The following UBE2E2 variants were observed in gnomAD, a reference collection of about 807,000 sequenced individuals.
UBE2E2 encodes the protein ubiquitin-conjugating enzyme E2 E2.
UBE2E2 carries 6 observed loss-of-function variants against 24.7 expected under a neutral mutation model. The observed-to-expected ratio is 0.24, with a 90% CI of 0.13 to 0.48. The LOEUF is 0.48. Among genes scored for constraint, UBE2E2 ranks in the 20% least tolerant of loss-of-function variants. UBE2E2 has a pLI of 0.99. For synonymous variants in UBE2E2, 104 were observed against 83.6 expected (o/e 1.24, Z -1.33); for missense variants, 169 against 245.0 (o/e 0.69, Z 2.07).
chr3:23,403,575 C>G (rs1697282333), intron 3 of UBE2E2, among the ~76,000 whole-genome samples: 2 of 152,170 alleles, frequency 1.3e-5, no homozygotes, highest in South Asian at 4.1e-4. Context: ...AATCCCAGCA[C>G]TTAGGGAGGC....
chr3:23,346,728 G>A (rs912279921), intron 3 of UBE2E2, among the ~76,000 whole-genome samples: 29 of 151,994 alleles, frequency 1.9e-4, no homozygotes, highest in Non-Finnish European at 4.1e-4. Context: ...TTTCTTTTCG[G>A]TATGTTCCTT....
intron 3 of UBE2E2, among the ~76,000 whole-genome samples, chr3:23,437,391 C>A (rs900535241): frequency 6.6e-6 from 1 of 152,158 alleles, no homozygotes; most frequent in African/African-American, 2.4e-5. Context: ...TGTTTAATTT[C>A]TCTGTGCCAC....
intron 1 of UBE2E2, among the ~76,000 whole-genome samples, chr3:23,203,966 C>G (rs1696052557): frequency 6.6e-6 from 1 of 151,976 alleles, no homozygotes; most frequent in Non-Finnish European, 1.5e-5. Context: ...CGGAGAAGAC[C>G]TTGTGGGGTA....
rs141952042 is a variant in UBE2E2, at chr3:23,435,575, G to A, written c.228-64033G>A. ...GACCCTGTGCCTCAAGTGGGGTCAC[G>A]TGGAGTTGCACTTGGGAACAGAGTA... is the stretch of plus-strand genomic sequence containing the variant. On this transcript the variant is annotated intron_variant, in intron 3 of 5. Coordinates refer to ENST00000396703, the MANE Select transcript of UBE2E2 (RefSeq NM_152653.4). Among the ~76,000 whole-genome samples the A allele has an allele frequency of 1.4e-3, 214 of 152,324 alleles. 1 individual carries two copies. Among genetic ancestry groups the A allele is most frequent in the African/African-American group, 4.9e-3 (204 of 41,574 alleles).
At chr3:23,358,926 T>G (rs17013116) in intron 3 of UBE2E2, among the ~76,000 whole-genome samples, 4,450 of 152,300 alleles carry the variant, frequency 0.029, 117 homozygotes, top group East Asian at 0.13. Flanking sequence ...TCCAGTAAAT[T>G]GACCAAGGGT....
chr3:23,244,210 G>C (rs1185467403), intron 3 of UBE2E2, among the ~76,000 whole-genome samples: 2 of 151,642 alleles, frequency 1.3e-5, no homozygotes, highest in Non-Finnish European at 2.9e-5. Flanking sequence ...ATACTTAGGA[G>C]AAACTTTTAA....
At chr3:23,331,915 A>C (rs1016413167) in intron 3 of UBE2E2, among the ~76,000 whole-genome samples, 3 of 152,232 alleles carry the variant, frequency 2.0e-5, no homozygotes, top group African/African-American at 7.2e-5. Flanking sequence ...GACAGCAGAA[A>C]GACAAGAATT....
chr3:23,343,549 C>T (rs1051981940), intron 3 of UBE2E2, among the ~76,000 whole-genome samples: 4 of 152,092 alleles, frequency 2.6e-5, no homozygotes, highest in South Asian at 2.1e-4. Context: ...ACACTCTAGC[C>T]GGGGCGACAG....
chr3:23,284,438 T>A (rs1455888269), intron 3 of UBE2E2, among the ~76,000 whole-genome samples: 1 of 152,142 alleles, frequency 6.6e-6, no homozygotes, highest in Non-Finnish European at 1.5e-5. Context: ...GACTAATTGT[T>A]GGTAAAGAAT....
At chr3:23,381,635 A>G (rs1696673918) in intron 3 of UBE2E2, among the ~76,000 whole-genome samples, 4 of 152,180 alleles carry the variant, frequency 2.6e-5, no homozygotes, top group Non-Finnish European at 4.4e-5. Flanking sequence ...TTATGTTAAT[A>G]TTAGGAAGGG....
At chr3:23,349,348 G>A (rs1238357367) in intron 3 of UBE2E2, among the ~76,000 whole-genome samples, 1 of 152,310 alleles carries the variant, frequency 6.6e-6, no homozygotes, top group East Asian at 1.9e-4. Context: ...GAGGTACTGG[G>A]TTCATCTCAC....
intron 3 of UBE2E2, among the ~76,000 whole-genome samples, chr3:23,431,332 A>C (rs1698055304): frequency 6.6e-6 from 1 of 152,298 alleles, no homozygotes; most frequent in African/African-American, 2.4e-5. Flanking sequence ...ATTGAGGTCC[A>C]CTGGGGTCAT....
intron 3 of UBE2E2, among the ~76,000 whole-genome samples, chr3:23,385,533 A>C (rs1206985264): frequency 6.6e-6 from 1 of 152,216 alleles, no homozygotes; most frequent in Non-Finnish European, 1.5e-5. Flanking sequence ...CTTGCTCTGT[A>C]ATCCTGCCTT....
chr3:23,565,886 C>G (rs1185015266), intron 5 of UBE2E2, among the ~76,000 whole-genome samples: 2 of 152,030 alleles, frequency 1.3e-5, no homozygotes, highest in African/African-American at 4.8e-5. Flanking sequence ...GTCATGAGAT[C>G]GTTTTCTTCT....
chr3:23,563,032 A>G lies in UBE2E2; in HGVS notation c.509-26702A>G, dbSNP rs577244134. On this transcript the variant is annotated intron_variant, in intron 5 of 5. Transcript: ENST00000396703. ...TTTCAAAAAACCAGCTCCTGGATTC[A>G]TTGATTTTTTGAAGGGTTTTTTGTG... Among the ~76,000 whole-genome samples, 221 of 152,122 alleles carry G rather than the reference A, an allele frequency of 1.5e-3. 4 individuals carry two copies. Among genetic ancestry groups the G allele is most frequent in the South Asian group, 2.9e-3 (14 of 4,818 alleles).
intron 3 of UBE2E2, among the ~76,000 whole-genome samples, chr3:23,222,925 T>A (rs1432435616): frequency 6.6e-6 from 1 of 152,070 alleles, no homozygotes; most frequent in Non-Finnish European, 1.5e-5. Flanking sequence ...CTCAGTGAGA[T>A]ATTGCATTGT....
At chr3:23,254,374 G>T (rs142921836) in intron 3 of UBE2E2, among the ~76,000 whole-genome samples, 16 of 152,194 alleles carry the variant, frequency 1.1e-4, no homozygotes, top group Non-Finnish European at 1.5e-4. Flanking sequence ...GGAACATCTG[G>T]TTGCCCAGTT....
chr3:23,249,194 C>A (rs1697503228), intron 3 of UBE2E2, among the ~76,000 whole-genome samples: 2 of 151,650 alleles, frequency 1.3e-5, no homozygotes, highest in South Asian at 4.2e-4. Flanking sequence ...TTGCTTTGAG[C>A]CTGGGAGGCG....
intron 3 of UBE2E2, among the ~76,000 whole-genome samples, chr3:23,459,836 A>G (rs2125424156): frequency 6.6e-6 from 1 of 152,336 alleles, no homozygotes; most frequent in African/African-American, 2.4e-5. Flanking sequence ...TTTTCTTAGC[A>G]TACTTTCTGT....
Sources: gnomAD v4.1 joint callset for allele counts (sites outside exome capture counted in the v4.1 genomes callset) on GRCh38, gnomAD v4.1.1 for gene constraint, MANE v1.5 for transcripts, NCBI Gene and HGNC (gene_info 2026-07-23, HGNC 2026-07-21) for gene names.